The following FGFR1 variants were observed in gnomAD, a reference collection of about 807,000 sequenced individuals.
FGFR1 encodes FGFR1/PLAG1 fusion.
A neutral mutation model predicts 93.7 loss-of-function variants in FGFR1; 18 were observed. That is an observed-to-expected ratio of 0.19 (90% CI 0.13 to 0.28). The LOEUF is 0.28. FGFR1 is among the 10% of genes least tolerant of loss of function. The pLI, the probability that FGFR1 is intolerant of heterozygous loss-of-function variation, is 1.00. For synonymous variants in FGFR1, 448 were observed against 429.3 expected, an observed-to-expected ratio of 1.04 and a Z score of -0.54; for missense variants, 731 against 1,080.4, an observed-to-expected ratio of 0.68 and a Z score of 4.53.
At chr8:38,452,007 T>A (rs1831220344) in intron 2 of FGFR1, among the ~76,000 whole-genome samples, 1 of 152,034 alleles carries the variant, frequency 6.6e-6, no homozygotes, top group African/African-American at 2.4e-5. Context: ...CTCTGTAAGA[T>A]CCCAAACCAA....
Position 38,418,232 on chromosome 8 carries a change from C to T in FGFR1, c.1426G>A (p.Asp476Asn), listed in dbSNP as rs1817440383. 1.2e-6 allele frequency: 2 copies of T among 1,614,222 alleles called. No individual in the cohort carries two copies. The highest frequency in any genetic ancestry group is 1.7e-6 in the Non-Finnish European group (2 of 1,180,038). The stretch of plus-strand genomic sequence containing the variant: ...TGGGAGTCAAAGTATTATTACCTGT[C>T]CCGAGGCAGCTCCCAGCGAGGGTCT... ...PEDPRWELPR[D>N]RLVLGKPLGE... The change falls in exon 10 of 18, where the codon GAC (aspartate) becomes AAC (asparagine). Residue 476 changes from aspartate (D) to asparagine (N), a missense_variant. By Grantham distance (23) the Asp-to-Asn change is conservative. Coordinates refer to ENST00000447712, the MANE Select transcript of FGFR1 (RefSeq NM_023110.3).
chr8:38,442,189 G>C (rs1009735787), intron 2 of FGFR1, among the ~76,000 whole-genome samples: 2 of 152,144 alleles, frequency 1.3e-5, no homozygotes, highest in African/African-American at 4.8e-5. Flanking sequence ...GGACCACTTA[G>C]GTGGACTGTA....
At chr8:38,439,520 G>C (rs968820631) in intron 2 of FGFR1, among the ~76,000 whole-genome samples, 1 of 152,048 alleles carries the variant, frequency 6.6e-6, no homozygotes, top group Non-Finnish European at 1.5e-5. Context: ...GACTGCACAG[G>C]GCTCACAAGG....
At chr8:38,452,208 C>CACACACAA (rs1242702690) in intron 2 of FGFR1, among the ~76,000 whole-genome samples, 2 of 42,584 alleles carry the variant, frequency 4.7e-5, no homozygotes, top group African/African-American at 1.1e-4. Context: ...CAGACACACA[C>CACACACAA]ACACACACAC....
chr8:38,413,932 A>G lies in FGFR1; in HGVS notation c.2278T>C (p.Leu760=), dbSNP rs201490643. The change falls in exon 17 of 18, where the codon TTG becomes CTG. Residue 760 remains leucine (L), a synonymous_variant. Coordinates refer to ENST00000447712, the MANE Select transcript of FGFR1 (RefSeq NM_023110.3). This position sits in a 1 kb window ranked among gnomAD's most constrained non-coding sequence, Gnocchi z 4.2. ...GGCAGCCTTACCTGGTTGGAGGTCA[A>G]GGCCACGATGCGGTCCAGGTCTTCC... ...LVEDLDRIVA[L]TSNQEYLDLS... is the part of the protein sequence containing the mutation. The G allele has an allele frequency of 3.5e-4, 568 of 1,613,876 alleles. 4 individuals are homozygous for G. Among genetic ancestry groups the G allele is most frequent in the Admixed American group, 1.0e-4 (6 of 59,978 alleles).
chr8:38,438,234 T>C (rs2151078030), intron 2 of FGFR1, among the ~76,000 whole-genome samples: 1 of 152,286 alleles, frequency 6.6e-6, no homozygotes, highest in South Asian at 2.1e-4. Context: ...TTGTGAAGTA[T>C]TTAAGAGTTA....
At position 38,434,168 on chromosome 8, in the gene FGFR1, T is replaced by C. The variant is rs17182239; in HGVS notation, c.92-4220A>G. On this transcript the variant is annotated intron_variant, in intron 2 of 17. Transcript: ENST00000447712. ...CATTGCAGTCATCAATTGACAGATA[T>C]TGGGTATAATGTTTCTTTCTTTTTT... Among the ~76,000 whole-genome samples, 484 of 152,312 alleles carry C rather than the reference T, an allele frequency of 3.2e-3. 30 individuals are homozygous for C. The South Asian group carries it at 0.097, about 31-fold the overall frequency.
chr8:38,418,074 A>G (rs1817357498), intron 10 of FGFR1, 83 bp from the exon 11 acceptor site: 2 of 1,609,850 alleles, frequency 1.2e-6, no homozygotes, highest in Non-Finnish European at 1.7e-6. Context: ...ACCTCTCTGT[A>G]TTTCACCCAA....
At chr8:38,448,285 T>G (rs767342384) in intron 2 of FGFR1, among the ~76,000 whole-genome samples, 1 of 151,904 alleles carries the variant, frequency 6.6e-6, no homozygotes, top group African/African-American at 2.4e-5. Flanking sequence ...CCAATTTTTT[T>G]TTTTTTTTTT....
chr8:38,422,886 G>A (rs1388367919), intron 7 of FGFR1: 6 of 605,424 alleles, frequency 9.9e-6, no homozygotes, highest in East Asian at 5.6e-5. Flanking sequence ...CTCCCAGGCC[G>A]GGTATTTTTC....
At chr8:38,427,547 T>C (rs1435493483) in intron 5 of FGFR1, among the ~76,000 whole-genome samples, 4 of 152,178 alleles carry the variant, frequency 2.6e-5, no homozygotes, top group African/African-American at 7.2e-5. Flanking sequence ...CCCAAAGTGA[T>C]AGGATTTTAG....
intron 2 of FGFR1, among the ~76,000 whole-genome samples, chr8:38,432,918 C>A (rs2915664): frequency 2.8e-5 from 4 of 140,812 alleles, no homozygotes; most frequent in African/African-American, 7.8e-5. Context: ...GCCCCCCCCC[C>A]TCCCCAGTTG....
chr8:38,464,170 G>C (rs1184286905), intron 1 of FGFR1, among the ~76,000 whole-genome samples: 1 of 152,024 alleles, frequency 6.6e-6, no homozygotes, highest in Non-Finnish European at 1.5e-5. Flanking sequence ...CAAAAAATTA[G>C]CCGGACATGG....
intron 1 of FGFR1, among the ~76,000 whole-genome samples, chr8:38,464,272 G>GCCACAGCACTC (rs1463746991): frequency 1.5e-5 from 2 of 135,542 alleles, no homozygotes; most frequent in Non-Finnish European, 3.0e-5. Context: ...CTGAGATAGC[G>GCCACAGCACTC]CCACAGCACT....
intron 2 of FGFR1, among the ~76,000 whole-genome samples, chr8:38,456,422 G>T (rs1480700130): frequency 6.6e-6 from 1 of 152,108 alleles, no homozygotes; most frequent in East Asian, 1.9e-4. Context: ...ACACGCCATA[G>T]GTCTCCATGC....
At chr8:38,427,892 C>T (rs981826414) in intron 5 of FGFR1, 29 bp downstream of exon 5, 1 of 1,614,030 alleles carries the variant, frequency 6.2e-7, no homozygotes, top group Non-Finnish European at 8.5e-7. Flanking sequence ...GTTCCCATTA[C>T]TCTAACTTTC....
intron 1 of FGFR1, among the ~76,000 whole-genome samples, chr8:38,466,903 C>CCA (rs1835666147): frequency 7.9e-6 from 1 of 126,098 alleles, no homozygotes; most frequent in Non-Finnish European, 1.8e-5. Flanking sequence ...CCACCCCCCC[C>CCA]CCACCACCAC....
At chr8:38,452,159 G>A (rs1293730647) in intron 2 of FGFR1, among the ~76,000 whole-genome samples, 1 of 151,074 alleles carries the variant, frequency 6.6e-6, no homozygotes, top group Admixed American at 6.6e-5. Context: ...TTGGTACTGC[G>A]CTCAGTGGGG....
chr8:38,441,566 T>C (rs1469374857), intron 2 of FGFR1, among the ~76,000 whole-genome samples: 2 of 152,246 alleles, frequency 1.3e-5, no homozygotes, highest in Admixed American at 6.5e-5. Flanking sequence ...CAATACACTT[T>C]GCTTCTCTCC....
Sources: gnomAD v4.1 joint callset for allele counts (sites outside exome capture counted in the v4.1 genomes callset) on GRCh38, gnomAD v4.1.1 for gene constraint, Gnocchi (gnomAD v3.1) non-coding constraint, MANE v1.5 for transcripts, NCBI Gene and HGNC (gene_info 2026-07-23, HGNC 2026-07-21) for gene names.